The following MEF2A variants were observed in gnomAD, a reference collection of about 807,000 sequenced individuals.
MEF2A encodes myocyte-specific enhancer factor 2A.
Under a neutral mutation model 55.8 loss-of-function variants are expected in MEF2A, and 28 were observed. The ratio of observed to expected loss-of-function variants is 0.50; its 90% CI spans 0.37 to 0.69. The LOEUF (loss-of-function observed/expected upper bound fraction) is 0.69. MEF2A is among the 30% of genes least tolerant of loss of function. The pLI is 0.00. For missense variants in MEF2A, 528 were observed against 626.2 expected (o/e 0.84, Z 1.67); for synonymous variants, 239 against 227.1 (o/e 1.05, Z -0.47).
chr15:99,627,630 G>A (rs2042262847), intron 2 of MEF2A, among the ~76,000 whole-genome samples: 1 of 152,106 alleles, frequency 6.6e-6, no homozygotes, highest in Admixed American at 6.6e-5. Flanking sequence ...ATAGTTTGTA[G>A]AATATTAGAA....
chr15:99,647,518 C>T lies in MEF2A; in HGVS notation c.258+1754C>T, dbSNP rs143678339. Reference sequence around the variant, plus strand: ...GGTACTTCACACTGCCTAAAGCTTACTTCCCTAGAGAATACGGAGAATGTA... The same window carrying T: ...GGTACTTCACACTGCCTAAAGCTTATTTCCCTAGAGAATACGGAGAATGTA... On this transcript the variant is annotated intron_variant, in intron 4 of 11. Coordinates refer to ENST00000557942, the MANE Select transcript of MEF2A (RefSeq NM_001319206.4). Among the ~76,000 whole-genome samples the T allele has an allele frequency of 3.8e-3, 576 of 152,298 alleles. 3 individuals are homozygous for T. The highest frequency in any genetic ancestry group is 7.6e-3 in the Admixed American group (116 of 15,288).
intron 2 of MEF2A, among the ~76,000 whole-genome samples, chr15:99,604,048 C>T (rs952798990): frequency 2.0e-5 from 3 of 152,114 alleles, no homozygotes; most frequent in African/African-American, 7.2e-5. Context: ...GTCTGCTGTT[C>T]TTACCTTTTG....
chr15:99,644,853 T>A (rs976782503), intron 3 of MEF2A, among the ~76,000 whole-genome samples: 2 of 152,142 alleles, frequency 1.3e-5, no homozygotes, highest in Non-Finnish European at 2.9e-5. Context: ...GGTGGTATAA[T>A]TTTTGTATGG....
rs765834104 is a variant in MEF2A, at chr15:99,690,236, C to T, written c.671-5C>T. 17 of 1,611,944 alleles carry T rather than the reference C, an allele frequency of 1.1e-5. No homozygotes were observed. The highest frequency in any genetic ancestry group is 1.4e-5 in the Non-Finnish European group (17 of 1,178,962). On this transcript the variant is annotated splice_region_variant and splice_polypyrimidine_tract_variant and intron_variant, in intron 7 of 11. Coordinates refer to ENST00000557942, the MANE Select transcript of MEF2A (RefSeq NM_001319206.4). ...CACTTTATTGAATGATATTTTTCCC[C>T]CCAGGGAATGGATTTGTAAACTCAA...
intron 4 of MEF2A, among the ~76,000 whole-genome samples, chr15:99,650,601 C>G (rs922477195): frequency 1.3e-5 from 2 of 152,066 alleles, no homozygotes; most frequent in African/African-American, 4.8e-5. Context: ...AAGAGAAAAT[C>G]TGTTTGAGTC....
At chr15:99,568,059 T>C (rs887590858) in intron 1 of MEF2A, among the ~76,000 whole-genome samples, 1 of 152,210 alleles carries the variant, frequency 6.6e-6, no homozygotes, top group African/African-American at 2.4e-5. Flanking sequence ...CTAAACGCAA[T>C]TATTTGCTTA....
chr15:99,698,795 A>G (rs556683279), intron 8 of MEF2A, among the ~76,000 whole-genome samples: 1 of 152,170 alleles, frequency 6.6e-6, no homozygotes, highest in East Asian at 1.9e-4. Context: ...TCTGTCTCAA[A>G]AAAAAAAACA....
chr15:99,661,671 A>G (rs79938541), intron 4 of MEF2A, among the ~76,000 whole-genome samples: 1 of 152,096 alleles, frequency 6.6e-6, no homozygotes, highest in Non-Finnish European at 1.5e-5. Flanking sequence ...TGCAAATTAA[A>G]TCCCACAGGT....
intron 1 of MEF2A, among the ~76,000 whole-genome samples, chr15:99,572,310 A>G (rs1250092667): frequency 2.0e-5 from 3 of 152,030 alleles, no homozygotes; most frequent in Non-Finnish European, 1.5e-5. Context: ...ATATTCTTCA[A>G]ATGTCTGGCT....
At chr15:99,686,741 T>G (rs1266277848) in intron 7 of MEF2A, among the ~76,000 whole-genome samples, 3 of 152,300 alleles carry the variant, frequency 2.0e-5, no homozygotes, top group African/African-American at 7.2e-5. Flanking sequence ...TTTGAGCTTT[T>G]TGTATTTGGA....
intron 4 of MEF2A, among the ~76,000 whole-genome samples, chr15:99,654,847 G>A (rs2153535431): frequency 6.6e-6 from 1 of 152,268 alleles, no homozygotes; most frequent in Admixed American, 6.5e-5. Context: ...TATTGAGTGT[G>A]TAGTGCAACT....
intron 7 of MEF2A, among the ~76,000 whole-genome samples, chr15:99,683,214 C>T (rs1270814070): frequency 2.0e-5 from 3 of 152,052 alleles, no homozygotes; most frequent in African/African-American, 7.2e-5. Context: ...TAATTCATAC[C>T]CCTTCAAGAT....
intron 4 of MEF2A, among the ~76,000 whole-genome samples, chr15:99,646,291 A>C (rs570087493): frequency 6.6e-6 from 1 of 152,266 alleles, no homozygotes; most frequent in South Asian, 2.1e-4. Context: ...AATTAAGTGA[A>C]AAAGAAAAGG....
intron 4 of MEF2A, among the ~76,000 whole-genome samples, chr15:99,658,123 T>A (rs567467540): frequency 2.6e-5 from 4 of 152,288 alleles, no homozygotes; most frequent in African/African-American, 7.2e-5. Flanking sequence ...ATAGCTCTTA[T>A]ATATTTCAGA....
At chr15:99,633,443 A>G (rs1596631049) in intron 3 of MEF2A, among the ~76,000 whole-genome samples, 1 of 152,088 alleles carries the variant, frequency 6.6e-6, no homozygotes, top group African/African-American at 2.4e-5. Flanking sequence ...CATTGTATAG[A>G]TTTCTCATAA....
rs112210477 is a variant in MEF2A, at chr15:99,695,301, A to T, written c.858+4873A>T. On this transcript the variant is annotated intron_variant, in intron 8 of 11. Transcript: ENST00000557942. ...ATGATGTAAATATTATTTGAAGATG[A>T]ACTCAAGGTAACTAAAGGTGTATAT... Among the ~76,000 whole-genome samples, 895 of 152,320 alleles carry T rather than the reference A, an allele frequency of 5.9e-3. 7 individuals carry two copies. Among genetic ancestry groups the T allele is most frequent in the African/African-American group, 0.019 (800 of 41,568 alleles).
intron 2 of MEF2A, among the ~76,000 whole-genome samples, chr15:99,619,355 C>G (rs1272030420): frequency 2.0e-5 from 3 of 152,182 alleles, no homozygotes; most frequent in Non-Finnish European, 4.4e-5. Flanking sequence ...GAGTGCTGTT[C>G]TGGAATACCA....
At chr15:99,708,301 T>C (rs565263948) in intron 10 of MEF2A, among the ~76,000 whole-genome samples, 2 of 152,256 alleles carry the variant, frequency 1.3e-5, no homozygotes, top group East Asian at 3.8e-4. Flanking sequence ...AGCTATACTG[T>C]TCAAAGGTGT....
intron 3 of MEF2A, among the ~76,000 whole-genome samples, chr15:99,636,182 T>C (rs1008828223): frequency 3.3e-5 from 5 of 152,156 alleles, no homozygotes; most frequent in Admixed American, 2.0e-4. Flanking sequence ...CATTTAGATA[T>C]ATATCTTCTG....
Sources: allele counts gnomAD v4.1 joint callset (sites outside exome capture counted in the v4.1 genomes callset), GRCh38; gene constraint gnomAD v4.1.1; transcripts MANE v1.5; gene names NCBI Gene and HGNC (gene_info 2026-07-23, HGNC 2026-07-21).